The following DDI2 variants were observed in gnomAD, a reference collection of about 807,000 sequenced individuals.
The protein encoded by DDI2 is protein DDI1 homolog 2.
A neutral mutation model predicts 48.1 loss-of-function variants in DDI2; 5 were observed. The ratio of observed to expected loss-of-function variants is 0.10; its 90% CI spans 0.05 to 0.22. The LOEUF is 0.22. DDI2 is among the 10% of genes least tolerant of loss of function. The pLI, the probability that DDI2 is intolerant of heterozygous loss-of-function variation, is 1.00. For missense variants in DDI2, 285 were observed against 506.2 expected (o/e 0.56, Z 4.19); for synonymous variants, 205 against 183.6 (o/e 1.12, Z -0.94).
At position 15,643,669 on chromosome 1, in the gene DDI2, G is replaced by A; in HGVS notation, c.889+19G>A. 1.2e-6 allele frequency: 2 copies of A among 1,612,546 alleles called. No homozygotes were observed. Among genetic ancestry groups the A allele is most frequent in the East Asian group, 2.2e-5 (1 of 44,830 alleles). ...CATCTAGGTGAGCAAAAGGCACTGG[G>A]GCTTGCTGTCTTTCTGTAGGCTATT... is the stretch of plus-strand genomic sequence containing the variant. On this transcript the variant is annotated intron_variant, in intron 6 of 9. Coordinates refer to ENST00000480945, the MANE Select transcript of DDI2 (RefSeq NM_032341.5).
At chr1:15,651,664 G>C (rs755052388) in intron 7 of DDI2, 42 bp from the exon 8 acceptor site, 2 of 1,534,898 alleles carry the variant, frequency 1.3e-6, no homozygotes, top group Non-Finnish European at 1.8e-6. Flanking sequence ...TTTTCTGCAT[G>C]GTGTTTTATC....
chr1:15,638,221 A>G (rs1639956003), intron 4 of DDI2, 86 bp from the exon 5 acceptor site: 3 of 1,590,194 alleles, frequency 1.9e-6, no homozygotes, highest in African/African-American at 1.4e-5. Flanking sequence ...ATATGTACAA[A>G]TCTGTTTTTT....
chr1:15,661,114 T>G lies in DDI2; in HGVS notation c.*1324T>G, dbSNP rs542753721. On this transcript the variant is annotated 3_prime_UTR_variant, in exon 10 of 10. Coordinates refer to ENST00000480945, the MANE Select transcript of DDI2 (RefSeq NM_032341.5). ...GAATGAACAGTGTCCACAAGTCTCC[T>G]TTCATCAGGCCATATCTGTATCAGT... is the stretch of plus-strand genomic sequence containing the variant. 6.2e-7 allele frequency: 1 copy of G among 1,613,862 alleles called. No individual in the cohort carries two copies. Among genetic ancestry groups the G allele is most frequent in the African/African-American group, 1.3e-5 (1 of 75,030 alleles).
chr1:15,643,059 T>C (rs1026292972), intron 5 of DDI2, among the ~76,000 whole-genome samples: 2 of 151,946 alleles, frequency 1.3e-5, no homozygotes, highest in African/African-American at 4.8e-5. Flanking sequence ...AGAGCGAGAC[T>C]GTCTCAACAA....
chr1:15,629,238 C>T (rs1388182057), intron 2 of DDI2, among the ~76,000 whole-genome samples: 3 of 152,200 alleles, frequency 2.0e-5, no homozygotes, highest in Non-Finnish European at 2.9e-5. Context: ...TGAGCCAATA[C>T]GTTTAGCACT....
chr1:15,656,992 TTTG>T (rs1251739245), intron 9 of DDI2: 1 of 207,456 alleles, frequency 4.8e-6, no homozygotes, highest in African/African-American at 2.3e-5. Flanking sequence ...CTCACAACAC[TTTG>T]TTGTTGGAGA....
rs143872905 is a variant in DDI2, at chr1:15,659,705, A to C, written c.*47-132A>C. 13 of 816,320 alleles carry C rather than the reference A, an allele frequency of 1.6e-5. No individual in the cohort carries two copies. In the African/African-American group the frequency reaches 2.1e-4, roughly 13 times the overall value. 50.6% of individuals were successfully genotyped at this position (816,320 alleles called of 1,614,324 possible). On this transcript the variant is annotated intron_variant, in intron 9 of 9. Coordinates refer to ENST00000480945, the MANE Select transcript of DDI2 (RefSeq NM_032341.5). ...AGAAAGTAATTTTAAAATCATTTCT[A>C]TTTGTGTAAGAGAAACCCGAGTTTG...
rs987267178 is a variant in DDI2 at position 15,659,872 on chromosome 1, T to C, written c.*82T>C. 6.4e-7 allele frequency: 1 copy of C among 1,568,080 alleles called. No individual in the cohort carries two copies. Among genetic ancestry groups the C allele is most frequent in the Non-Finnish European group, 8.6e-7 (1 of 1,160,922 alleles). On this transcript the variant is annotated 3_prime_UTR_variant, in exon 10 of 10. Coordinates refer to ENST00000480945, the MANE Select transcript of DDI2 (RefSeq NM_032341.5). ...TAAAGAATCTACCTCACTGGGAATG[T>C]CATCATTACCAACTTCAGATGGGTT...
intron 6 of DDI2, among the ~76,000 whole-genome samples, chr1:15,647,827 A>G (rs1169351668): frequency 3.3e-5 from 5 of 152,050 alleles, no homozygotes; most frequent in African/African-American, 9.7e-5. Context: ...GCCGGTTGTC[A>G]TGACCGTACG....
At chr1:15,621,413 G>A (rs1358037782) in intron 1 of DDI2, among the ~76,000 whole-genome samples, 3 of 151,886 alleles carry the variant, frequency 2.0e-5, no homozygotes, top group Non-Finnish European at 4.4e-5. Flanking sequence ...GTTTTTTTGA[G>A]ACAGGGTCTT....
chr1:15,632,771 A>G (rs1639865282), intron 3 of DDI2, among the ~76,000 whole-genome samples: 1 of 152,102 alleles, frequency 6.6e-6, no homozygotes, highest in African/African-American at 2.4e-5. Context: ...AGGTAGTAGG[A>G]TAATGAGAAC....
At chr1:15,646,575 T>A (rs907403418) in intron 6 of DDI2, among the ~76,000 whole-genome samples, 22 of 152,108 alleles carry the variant, frequency 1.4e-4, no homozygotes, top group Middle Eastern at 3.4e-3. Context: ...TAATCCCAGC[T>A]ATTCGGGAGG....
rs1188992290 is a variant in DDI2 at position 15,630,557 on chromosome 1, C to T, written c.501C>T (p.Asp167=). 6.2e-7 allele frequency: 1 copy of T among 1,609,072 alleles called. No individual in the cohort carries two copies. Reference sequence around the variant, plus strand: ...TGGCAGAAGCTCTGCTCAGTGGAGACCTTGGTAAGCTTATAAATTTGGAAG... The same window carrying T: ...TGGCAGAAGCTCTGCTCAGTGGAGATCTTGGTAAGCTTATAAATTTGGAAG... The part of the protein sequence containing the change: ...PPLAEALLSG[D]LEKFSRVLVE... Residue 167 remains aspartate (D), a synonymous_variant, in exon 3 of 10, where the codon GAC becomes GAT. Coordinates refer to ENST00000480945, the MANE Select transcript of DDI2 (RefSeq NM_032341.5).
At chr1:15,617,957 C>G in intron 1 of DDI2, 149 bp downstream of exon 1, 1 of 1,252,852 alleles carries the variant, frequency 8.0e-7, no homozygotes, top group Non-Finnish European at 1.1e-6. Context: ...CGGAAAGGAG[C>G]TGGGGAGCTG....
Position 15,661,483 on chromosome 1 carries a change from A to G in DDI2, c.*1693A>G, listed in dbSNP as rs976534632. On this transcript the variant is annotated 3_prime_UTR_variant, in exon 10 of 10. Transcript: ENST00000480945. ...TTCAGTAACAGACAGGCCTGAAACC[A>G]GAGAAAATGTCTGTCCTGATGCTTC... 4 of 1,613,944 alleles carry G rather than the reference A, an allele frequency of 2.5e-6. No homozygotes were observed. Among genetic ancestry groups the G allele is most frequent in the South Asian group, 2.2e-5 (2 of 91,030 alleles).
intron 5 of DDI2, among the ~76,000 whole-genome samples, chr1:15,642,271 A>C (rs182046066): frequency 1.3e-5 from 2 of 152,190 alleles, no homozygotes; most frequent in Admixed American, 1.3e-4. Context: ...TACATAGGCC[A>C]ACCCGCCGTG....
chr1:15,661,546 CCAT>C lies in DDI2; in HGVS notation c.*1762_*1764del, dbSNP rs1640379633. ...TGAATATGAACCACCTACCAGCCAT[CCAT>C]CATCAAGTCCTGCCATTCTTCCACC... On this transcript the variant is annotated 3_prime_UTR_variant, in exon 10 of 10. Transcript: ENST00000480945. The C allele has an allele frequency of 1.9e-6, 3 of 1,614,198 alleles. No individual in the cohort carries two copies. Among genetic ancestry groups the C allele is most frequent in the Non-Finnish European group, 2.5e-6 (3 of 1,180,026 alleles).
At chr1:15,638,997 G>A (rs953456782) in intron 5 of DDI2, among the ~76,000 whole-genome samples, 1 of 152,104 alleles carries the variant, frequency 6.6e-6, no homozygotes, top group Non-Finnish European at 1.5e-5. Context: ...GGAATACATA[G>A]GTTTAGAAGA....
At chr1:15,656,478 A>C in intron 8 of DDI2, 139 bp from the exon 9 acceptor site, 1 of 1,560,840 alleles carries the variant, frequency 6.4e-7, no homozygotes, top group Non-Finnish European at 8.7e-7. Flanking sequence ...GGATGTCCAA[A>C]CTACAGAAAC....
Sources: gnomAD v4.1 joint callset for allele counts (sites outside exome capture counted in the v4.1 genomes callset) on GRCh38, gnomAD v4.1.1 for gene constraint, MANE v1.5 for transcripts, NCBI Gene and HGNC (gene_info 2026-07-23, HGNC 2026-07-21) for gene names.